Variants in FAT3 observed in about 807,000 individuals in gnomAD.
The protein encoded by FAT3 is FAT atypical cadherin 3.
Under a neutral mutation model 310.2 loss-of-function variants are expected in FAT3, and 95 were observed. The ratio of observed to expected loss-of-function variants is 0.31; its 90% CI spans 0.26 to 0.36. FAT3 has a LOEUF of 0.36. Ranked by LOEUF, FAT3 falls within the 10% of genes least tolerant of loss-of-function variation. The probability of loss-of-function intolerance (pLI) is 1.00; values close to 1 mark genes in which losing one functional copy is unlikely to be tolerated. For missense variants in FAT3, 5,408 were observed against 5,715.6 expected, an observed-to-expected ratio of 0.95 and a Z score of 1.74; for synonymous variants, 2,314 against 2,192.9, an observed-to-expected ratio of 1.06 and a Z score of -1.54.
At chr11:92,646,813 A>G (rs1441929010) in intron 3 of FAT3, among the ~76,000 whole-genome samples, 1 of 152,206 alleles carries the variant, frequency 6.6e-6, no homozygotes, top group East Asian at 1.9e-4. Flanking sequence ...ACATTTATCT[A>G]GCAGCTGTTA....
intron 4 of FAT3, among the ~76,000 whole-genome samples, chr11:92,737,449 T>C (rs1270855585): frequency 6.6e-6 from 1 of 152,076 alleles, no homozygotes; most frequent in South Asian, 2.1e-4. Context: ...CAAAGACAGA[T>C]TAAAAACCTC....
rs748788205 is a variant in FAT3, at chr11:92,798,042, C to G, written c.5029C>G (p.Gln1677Glu). ...SHPKFIHKDY[Q>E]AEVNENVDIG... ...CCCCAAGTTCATTCACAAAGACTAC[C>G]AAGCAGAAGTAAATGAAAATGTTGA... The change falls in exon 10 of 28, where the codon CAA (glutamine) becomes GAA (glutamate). Residue 1677 changes from glutamine to glutamate, a missense_variant. Gln to Glu is a conservative substitution (Grantham distance 29). This residue lies in a region of FAT3 where 4,588 missense variants were observed against 4,809.8 expected (regional missense o/e 0.95). Coordinates refer to ENST00000525166, the MANE Select transcript of FAT3 (RefSeq NM_001367949.2). 6.2e-6 allele frequency: 10 copies of G among 1,613,830 alleles called. No individual in the cohort carries two copies. Among genetic ancestry groups the G allele is most frequent in the Non-Finnish European group, 8.5e-6 (10 of 1,179,860 alleles).
At chr11:92,879,154 T>G (rs1440641854) in intron 22 of FAT3, among the ~76,000 whole-genome samples, 1 of 152,184 alleles carries the variant, frequency 6.6e-6, no homozygotes, top group Admixed American at 6.5e-5. Flanking sequence ...TTACACAACC[T>G]GTCAAAGAGG....
chr11:92,526,923 C>T (rs914184046), intron 3 of FAT3, among the ~76,000 whole-genome samples: 8 of 152,170 alleles, frequency 5.3e-5, no homozygotes, highest in Non-Finnish European at 1.0e-4. Flanking sequence ...TATTCAATCA[C>T]CAACCACTTA....
chr11:92,614,363 G>A (rs927508161), intron 3 of FAT3, among the ~76,000 whole-genome samples: 2 of 152,282 alleles, frequency 1.3e-5, no homozygotes, highest in Non-Finnish European at 2.9e-5. Flanking sequence ...TGCATTTCCT[G>A]AGCAATGTAC....
intron 2 of FAT3, among the ~76,000 whole-genome samples, chr11:92,434,926 T>C (rs1297649755): frequency 6.6e-6 from 1 of 152,078 alleles, no homozygotes; most frequent in Non-Finnish European, 1.5e-5. Flanking sequence ...TCAACTCCAA[T>C]GGGAATGGAA....
chr11:92,399,200 A>G (rs780911691), intron 2 of FAT3, among the ~76,000 whole-genome samples: 33 of 152,200 alleles, frequency 2.2e-4, no homozygotes, highest in Non-Finnish European at 4.7e-4. Flanking sequence ...ATGTAAGACT[A>G]AGAGTTTTGT....
intron 2 of FAT3, among the ~76,000 whole-genome samples, chr11:92,370,547 A>G (rs1949156964): frequency 6.6e-6 from 1 of 152,342 alleles, no homozygotes; most frequent in Non-Finnish European, 1.5e-5. Flanking sequence ...TTGGTTAATA[A>G]AGGAATAATG....
chr11:92,457,527 T>C (rs958638846), intron 2 of FAT3, among the ~76,000 whole-genome samples: 1 of 152,138 alleles, frequency 6.6e-6, no homozygotes, highest in Non-Finnish European at 1.5e-5. Context: ...TGAACATTAG[T>C]CGATATCCTG....
chr11:92,843,329 G>A (rs1017292033), intron 18 of FAT3, among the ~76,000 whole-genome samples: 2 of 152,272 alleles, frequency 1.3e-5, no homozygotes, highest in South Asian at 2.1e-4. Flanking sequence ...CCTTGCATGC[G>A]ATGGGTGTTC....
chr11:92,553,662 C>A (rs922364862), intron 3 of FAT3, among the ~76,000 whole-genome samples: 11 of 97,722 alleles, frequency 1.1e-4, no homozygotes, highest in Non-Finnish European at 1.2e-4. Flanking sequence ...GACATAAATT[C>A]TAGAATCTCC....
At chr11:92,314,519 A>G (rs1947386451) in intron 1 of FAT3, among the ~76,000 whole-genome samples, 1 of 152,134 alleles carries the variant, frequency 6.6e-6, no homozygotes, top group Non-Finnish European at 1.5e-5. Context: ...GGGTCTGGAA[A>G]TTGGAGTTTG....
intron 1 of FAT3, among the ~76,000 whole-genome samples, chr11:92,284,760 C>T (rs145227384): frequency 2.0e-4 from 31 of 152,194 alleles, no homozygotes; most frequent in African/African-American, 6.7e-4. Context: ...ACATAGTGCC[C>T]GGGGAATGCT....
chr11:92,666,043 G>T (rs1001920340), intron 3 of FAT3, among the ~76,000 whole-genome samples: 2 of 152,032 alleles, frequency 1.3e-5, no homozygotes, highest in Non-Finnish European at 2.9e-5. Context: ...ATAAAAAACT[G>T]CACTCTAAGC....
intron 3 of FAT3, among the ~76,000 whole-genome samples, chr11:92,613,849 C>T (rs1463577915): frequency 6.6e-6 from 1 of 152,140 alleles, no homozygotes; most frequent in Non-Finnish European, 1.5e-5. Flanking sequence ...AATTTTAGGA[C>T]ATGTTATAGC....
intron 2 of FAT3, among the ~76,000 whole-genome samples, chr11:92,405,482 C>T (rs189150406): frequency 1.3e-5 from 2 of 152,308 alleles, no homozygotes. Context: ...CCAGTTTATA[C>T]ATTAAGATTC....
chr11:92,861,636 A>G (rs558301980), intron 21 of FAT3, among the ~76,000 whole-genome samples: 1 of 152,332 alleles, frequency 6.6e-6, no homozygotes, highest in African/African-American at 2.4e-5. Flanking sequence ...TGCTTTTCAT[A>G]TGTTGGGTTT....
intron 4 of FAT3, among the ~76,000 whole-genome samples, chr11:92,736,347 T>G (rs1431309315): frequency 6.6e-6 from 1 of 152,050 alleles, no homozygotes; most frequent in Non-Finnish European, 1.5e-5. Context: ...CAAGCCCAAA[T>G]GTGCACCTGT....
intron 2 of FAT3, among the ~76,000 whole-genome samples, chr11:92,457,424 C>A (rs575833190): frequency 2.6e-5 from 4 of 152,198 alleles, no homozygotes; most frequent in Admixed American, 2.6e-4. Flanking sequence ...TGTATTCACA[C>A]TGGGGAGCCT....
Sources: allele counts gnomAD v4.1 joint callset (sites outside exome capture counted in the v4.1 genomes callset), GRCh38; gene constraint gnomAD v4.1.1; regional missense constraint gnomAD v4.1.1; transcripts MANE v1.5; gene names NCBI Gene and HGNC (gene_info 2026-07-23, HGNC 2026-07-21).